Variants in ALMS1 observed in about 807,000 individuals in gnomAD.
The protein encoded by ALMS1 is centrosome-associated protein ALMS1.
ALMS1 carries 271 observed loss-of-function variants against 352.2 expected under a neutral mutation model. That is an observed-to-expected ratio of 0.77 (90% CI 0.70 to 0.85). The LOEUF is 0.85. Among genes scored for constraint, ALMS1 ranks in the 40% least tolerant of loss-of-function variants. ALMS1 has a pLI of 0.00. For missense variants in ALMS1, 5,445 were observed against 4,870.7 expected (o/e 1.12, Z -3.51); for synonymous variants, 1,865 against 1,761.2 (o/e 1.06, Z -1.48).
At chr2:73,461,011 G>T (rs916708579) in intron 9 of ALMS1, among the ~76,000 whole-genome samples, 6 of 152,228 alleles carry the variant, frequency 3.9e-5, no homozygotes, top group Non-Finnish European at 7.3e-5. Context: ...CACCTCTGGG[G>T]GCAGGGCATA....
At chr2:73,426,904 T>C (rs1024129878) in intron 6 of ALMS1, among the ~76,000 whole-genome samples, 3 of 152,258 alleles carry the variant, frequency 2.0e-5, no homozygotes, top group Non-Finnish European at 2.9e-5. Context: ...TTTGAAAAAT[T>C]ATATCCTTCA....
chr2:73,510,523 G>C (rs1030188461), intron 10 of ALMS1, among the ~76,000 whole-genome samples: 3 of 152,206 alleles, frequency 2.0e-5, no homozygotes, highest in African/African-American at 7.2e-5. Context: ...GACCCTGTTT[G>C]CCTGGGTATC....
At chr2:73,594,086 A>T (rs899302347) in intron 16 of ALMS1, among the ~76,000 whole-genome samples, 1 of 152,208 alleles carries the variant, frequency 6.6e-6, no homozygotes, top group Non-Finnish European at 1.5e-5. Flanking sequence ...TCTCTTGGGT[A>T]TATACCTAGG....
Position 73,489,788 on chromosome 2 carries a change from C to T in ALMS1, c.7829C>T (p.Ser2610Leu). The change falls in exon 10 of 23, where the codon TCA becomes TTA. Residue 2610 changes from serine (S) to leucine (L), a missense_variant. Transcript: ENST00000613296. ...HPCAFRSAGP[S>L]EMTRGRQNPS... ...TGTGCTTTCAGATCTGCTGGACCCT[C>T]AGAAATGACCAGAGGACGGCAGAAC... The T allele has an allele frequency of 6.2e-7, 1 of 1,614,128 alleles. No individual in the cohort carries two copies. Among genetic ancestry groups the T allele is most frequent in the Admixed American group, 1.7e-5 (1 of 60,024 alleles).
rs1203385843 is a variant in ALMS1 at position 73,602,290 on chromosome 2, A to T, written c.12220A>T (p.Thr4074Ser). The T allele has an allele frequency of 1.9e-6, 3 of 1,614,168 alleles. No individual in the cohort carries two copies. The highest frequency in any genetic ancestry group is 2.5e-6 in the Non-Finnish European group (3 of 1,180,018). Residue 4074 changes from threonine to serine, a missense_variant, in exon 20 of 23, where the codon ACC (threonine) becomes TCC (serine). Thr to Ser is a moderately conservative substitution (Grantham distance 58, BLOSUM62 1). Coordinates refer to ENST00000613296, the MANE Select transcript of ALMS1 (RefSeq NM_001378454.1). ...GAGGAAGCTGCAGAGCATGTTACAG[A>T]CCGAGCGGGATGCACTATTCAACAT... ...QERKLQSMLQ[T>S]ERDALFNIDR...
At chr2:73,483,591 A>G (rs1234433623) in intron 9 of ALMS1, among the ~76,000 whole-genome samples, 11 of 151,740 alleles carry the variant, frequency 7.2e-5, no homozygotes, top group South Asian at 2.1e-4. Flanking sequence ...TATTAGGTCC[A>G]CTTGGTGCAG....
chr2:73,605,306 A>G (rs1166922166), intron 21 of ALMS1, among the ~76,000 whole-genome samples: 2 of 152,214 alleles, frequency 1.3e-5, no homozygotes, highest in Non-Finnish European at 2.9e-5. Context: ...TTCTGACGAG[A>G]TAAGCGGTGG....
intron 9 of ALMS1, among the ~76,000 whole-genome samples, chr2:73,482,066 T>G (rs1672719442): frequency 6.6e-6 from 1 of 152,226 alleles, no homozygotes; most frequent in Non-Finnish European, 1.5e-5. Context: ...GAATAGCTTT[T>G]ATTTCCTTCT....
intron 12 of ALMS1, among the ~76,000 whole-genome samples, chr2:73,546,317 C>CT (rs1189728201): frequency 6.6e-6 from 1 of 152,120 alleles, no homozygotes; most frequent in Non-Finnish European, 1.5e-5. Context: ...TTCCTTCATA[C>CT]TTTCCTGAAT....
intron 1 of ALMS1, among the ~76,000 whole-genome samples, chr2:73,398,539 A>G (rs1366077297): frequency 1.3e-5 from 2 of 152,184 alleles, no homozygotes; most frequent in Admixed American, 6.5e-5. Context: ...GTTGGGAAGA[A>G]CTGACATCTT....
chr2:73,413,436 C>T (rs1161342141), intron 2 of ALMS1, among the ~76,000 whole-genome samples: 1 of 152,134 alleles, frequency 6.6e-6, no homozygotes, highest in Non-Finnish European at 1.5e-5. Flanking sequence ...ACCAGGGTTT[C>T]TCAGCCTTGG....
chr2:73,546,707 A>G (rs916103325), intron 12 of ALMS1, among the ~76,000 whole-genome samples: 2 of 152,206 alleles, frequency 1.3e-5, no homozygotes, highest in Admixed American at 6.5e-5. Flanking sequence ...AGGTAGGCAG[A>G]GAGTGGAGTG....
intron 12 of ALMS1, 30 bp downstream of exon 12, chr2:73,534,979 T>A: frequency 6.2e-7 from 1 of 1,612,714 alleles, no homozygotes; most frequent in Non-Finnish European, 8.5e-7. Context: ...CGAAGTTTTA[T>A]TGTTTGATAT....
At chr2:73,597,975 T>C (rs1334664595) in intron 16 of ALMS1, among the ~76,000 whole-genome samples, 1 of 152,234 alleles carries the variant, frequency 6.6e-6, no homozygotes, top group Admixed American at 6.5e-5. Flanking sequence ...AAGACATTTA[T>C]GTCTAAAATC....
intron 6 of ALMS1, among the ~76,000 whole-genome samples, chr2:73,428,618 C>G (rs1486712377): frequency 1.3e-5 from 2 of 152,174 alleles, no homozygotes; most frequent in Non-Finnish European, 2.9e-5. Flanking sequence ...CAGAGACTAG[C>G]TTTGACCACT....
chr2:73,404,149 T>A (rs1484450483), intron 1 of ALMS1, among the ~76,000 whole-genome samples: 1 of 152,262 alleles, frequency 6.6e-6, no homozygotes, highest in African/African-American at 2.4e-5. Flanking sequence ...TCCACCCGCC[T>A]TGGCCTCCCA....
intron 10 of ALMS1, among the ~76,000 whole-genome samples, chr2:73,492,742 C>T (rs568868697): frequency 1.3e-5 from 2 of 151,976 alleles, no homozygotes; most frequent in African/African-American, 4.8e-5. Flanking sequence ...AGTAATGATA[C>T]CTTTAAAATT....
At chr2:73,411,862 C>T (rs1558634426) in intron 2 of ALMS1, among the ~76,000 whole-genome samples, 1 of 152,160 alleles carries the variant, frequency 6.6e-6, no homozygotes, top group Non-Finnish European at 1.5e-5. Context: ...CCAGTCTTCT[C>T]CTACCTGTAT....
chr2:73,432,348 A>T, intron 7 of ALMS1, 57 bp downstream of exon 7: 1 of 1,259,078 alleles, frequency 7.9e-7, no homozygotes, highest in Non-Finnish European at 1.2e-6. Flanking sequence ...GTGAAAAAAT[A>T]TCTTGTTAGG....
Sources: allele counts gnomAD v4.1 joint callset (sites outside exome capture counted in the v4.1 genomes callset), GRCh38; gene constraint gnomAD v4.1.1; transcripts MANE v1.5; gene names NCBI Gene and HGNC (gene_info 2026-07-23, HGNC 2026-07-21).